The following CDH2 variants were observed in gnomAD, a reference collection of about 807,000 sequenced individuals.
The protein encoded by CDH2 is cadherin 2.
CDH2 carries 17 observed loss-of-function variants against 92.0 expected under a neutral mutation model. That is an observed-to-expected ratio of 0.18 (90% CI 0.13 to 0.28). The LOEUF is 0.28. CDH2 is among the 10% of genes least tolerant of loss of function. The pLI is 1.00. For missense variants in CDH2, 862 were observed against 1,133.1 expected, an observed-to-expected ratio of 0.76 and a Z score of 3.44; for synonymous variants, 419 against 415.9, an observed-to-expected ratio of 1.01 and a Z score of -0.09.
At chr18:27,932,961 T>G (rs1908935626) in exon 7 of CDH2, among the ~76,000 whole-genome samples, 1 of 152,318 alleles carries the variant, frequency 6.6e-6, no homozygotes, top group South Asian at 2.1e-4. Context: ...GGTTCACATG[T>G]AGTTGTAACT....
chr18:28,039,303 G>A (rs577860536), intron 2 of CDH2, among the ~76,000 whole-genome samples: 1 of 152,086 alleles, frequency 6.6e-6, no homozygotes, highest in Non-Finnish European at 1.5e-5. Context: ...TCCTGTGTTT[G>A]AGGTCAGGGC....
At chr18:28,123,753 TG>T (rs530855981) in intron 2 of CDH2, among the ~76,000 whole-genome samples, 225 of 152,256 alleles carry the variant, frequency 1.5e-3, no homozygotes, top group Admixed American at 2.9e-3. Flanking sequence ...CTGAATTTAT[TG>T]ATCAGCTCAG....
At chr18:28,003,388 T>C (rs2012826649) in intron 6 of CDH2, among the ~76,000 whole-genome samples, 2 of 152,172 alleles carry the variant, frequency 1.3e-5, no homozygotes, top group Non-Finnish European at 2.9e-5. Flanking sequence ...TTATACAACA[T>C]ACATATTTAT....
At chr18:28,060,971 A>G (rs2144145772) in intron 2 of CDH2, among the ~76,000 whole-genome samples, 1 of 152,318 alleles carries the variant, frequency 6.6e-6, no homozygotes, top group Non-Finnish European at 1.5e-5. Flanking sequence ...TAATCATACC[A>G]ATCTTACACC....
chr18:28,080,735 A>G (rs1005606890), intron 2 of CDH2, among the ~76,000 whole-genome samples: 6 of 152,236 alleles, frequency 3.9e-5, no homozygotes, highest in African/African-American at 1.4e-4. Context: ...TCACTCAATC[A>G]GCTAATATTA....
At chr18:28,172,628 G>C (rs1466765444) in intron 1 of CDH2, among the ~76,000 whole-genome samples, 2 of 152,158 alleles carry the variant, frequency 1.3e-5, no homozygotes, top group African/African-American at 2.4e-5. Flanking sequence ...ACTGCTGTCA[G>C]AGCGAAATAC....
chr18:28,070,749 A>G (rs1282633837), intron 2 of CDH2, among the ~76,000 whole-genome samples: 2 of 152,244 alleles, frequency 1.3e-5, no homozygotes, highest in African/African-American at 4.8e-5. Flanking sequence ...GTTAAATGTC[A>G]CAAGATAAAT....
chr18:28,064,406 C>T (rs1189716117), intron 2 of CDH2, among the ~76,000 whole-genome samples: 2 of 152,146 alleles, frequency 1.3e-5, no homozygotes, highest in East Asian at 3.9e-4. Flanking sequence ...GCTAGGACTA[C>T]AGGTGTGTAC....
intron 11 of CDH2, among the ~76,000 whole-genome samples, chr18:27,987,458 A>G (rs2012272059): frequency 6.6e-6 from 1 of 152,198 alleles, no homozygotes; most frequent in Non-Finnish European, 1.5e-5. Context: ...AGGTTCACTG[A>G]CATTATTCTT....
chr18:28,063,114 G>T (rs2014436811), intron 2 of CDH2, among the ~76,000 whole-genome samples: 1 of 152,126 alleles, frequency 6.6e-6, no homozygotes, highest in Non-Finnish European at 1.5e-5. Context: ...ATAAGTCTTT[G>T]TTATGGTGAT....
intron 2 of CDH2, among the ~76,000 whole-genome samples, chr18:28,089,200 T>G (rs780074203): frequency 2.0e-5 from 3 of 152,110 alleles, no homozygotes; most frequent in Non-Finnish European, 4.4e-5. Flanking sequence ...AAAACCTAAA[T>G]GCCAAACCTA....
intron 2 of CDH2, among the ~76,000 whole-genome samples, chr18:28,019,606 G>A (rs1052292466): frequency 1.3e-5 from 2 of 152,088 alleles, no homozygotes; most frequent in African/African-American, 4.8e-5. Flanking sequence ...TGACCTAAGA[G>A]AGTCTGACAC....
At chr18:28,071,427 T>C (rs912074473) in intron 2 of CDH2, among the ~76,000 whole-genome samples, 1 of 151,994 alleles carries the variant, frequency 6.6e-6, no homozygotes, top group African/African-American at 2.4e-5. Flanking sequence ...ATGCAGGCAG[T>C]AGAGAAGGCT....
rs146614034 is a variant in CDH2 at position 28,056,015 on chromosome 18, G to A, written c.173-42106C>T. On this transcript the variant is annotated intron_variant, in intron 2 of 15. Transcript: ENST00000269141. ...TGAAACTGGAAATAGTAGGGCAAATGACTCCATATTCGGGGAAAGTAAACA... is the reference window on the plus strand; with the variant it reads ...TGAAACTGGAAATAGTAGGGCAAATAACTCCATATTCGGGGAAAGTAAACA... 3.5e-4 allele frequency among the ~76,000 whole-genome samples: 53 copies of A among 152,014 alleles called. No homozygotes were observed. The East Asian group carries it at 8.9e-3, about 25-fold the overall frequency.
chr18:28,089,868 C>T (rs2015004410), intron 2 of CDH2, among the ~76,000 whole-genome samples: 1 of 152,130 alleles, frequency 6.6e-6, no homozygotes, highest in Non-Finnish European at 1.5e-5. Context: ...CAGGACAGAG[C>T]CCGATTCCTG....
intron 2 of CDH2, among the ~76,000 whole-genome samples, chr18:28,130,666 GA>G (rs1260157374): frequency 6.6e-6 from 1 of 152,180 alleles, no homozygotes; most frequent in Non-Finnish European, 1.5e-5. Flanking sequence ...CTCTTCCAGG[GA>G]GCCCTGCGGG....
At chr18:27,983,784 C>T (rs1228353958) in intron 13 of CDH2, among the ~76,000 whole-genome samples, 1 of 152,236 alleles carries the variant, frequency 6.6e-6, no homozygotes, top group African/African-American at 2.4e-5. Flanking sequence ...ATGTCAGTTA[C>T]TTCTTCATTG....
intron 2 of CDH2, among the ~76,000 whole-genome samples, chr18:28,056,927 A>G (rs2014304276): frequency 6.6e-6 from 1 of 152,216 alleles, no homozygotes; most frequent in Non-Finnish European, 1.5e-5. Context: ...GAAACTGTAT[A>G]AAATTCTTAG....
chr18:28,136,978 G>C (rs1474530455), intron 2 of CDH2, among the ~76,000 whole-genome samples: 3 of 152,034 alleles, frequency 2.0e-5, no homozygotes, highest in African/African-American at 7.2e-5. Flanking sequence ...TGGGTTAGAA[G>C]AGTTAAAACA....
Sources: gnomAD v4.1 joint callset for allele counts (sites outside exome capture counted in the v4.1 genomes callset) on GRCh38, gnomAD v4.1.1 for gene constraint, MANE v1.5 for transcripts, NCBI Gene and HGNC (gene_info 2026-07-23, HGNC 2026-07-21) for gene names.